ABI3BP: variants seen among roughly 807,000 people sequenced by gnomAD.
ABI3BP encodes the protein target of Nesh-SH3.
In ABI3BP, 216 loss-of-function variants were observed where a neutral mutation model predicts 268.6. That is an observed-to-expected ratio of 0.80 (90% CI 0.72 to 0.90). The LOEUF is 0.90. Among genes scored for constraint, ABI3BP ranks in the 40% least tolerant of loss-of-function variants. ABI3BP has a pLI of 0.00. For missense variants in ABI3BP, 2,090 were observed against 2,182.4 expected (o/e 0.96, Z 0.84); for synonymous variants, 730 against 730.0 (o/e 1.00, Z 0.00).
intron 50 of ABI3BP, among the ~76,000 whole-genome samples, chr3:100,806,233 T>G (rs2097701951): frequency 6.6e-6 from 1 of 152,092 alleles, no homozygotes; most frequent in South Asian, 2.1e-4. Flanking sequence ...AGGTGGTGGA[T>G]GAACAAAATT....
intron 1 of ABI3BP, among the ~76,000 whole-genome samples, chr3:100,959,489 CAAAAAA>C (rs35465693): frequency 5.5e-5 from 2 of 36,092 alleles, no homozygotes; most frequent in Non-Finnish European, 9.9e-5. Context: ...GACTCCGTCT[CAAAAAA>C]AAAAAAAAAA....
At chr3:100,972,643 AT>A (rs199936150) in intron 1 of ABI3BP, among the ~76,000 whole-genome samples, 12 of 151,514 alleles carry the variant, frequency 7.9e-5, no homozygotes, top group South Asian at 2.1e-4. Context: ...AGATTGATTC[AT>A]TTTTTTTTCC....
At chr3:100,816,144 T>A (rs1192765347) in intron 43 of ABI3BP, 173 bp from the exon 44 acceptor site, 1 of 543,380 alleles carries the variant, frequency 1.8e-6, no homozygotes, top group Non-Finnish European at 3.2e-6. Flanking sequence ...GCTAGAACAA[T>A]TCATCAAAGA....
chr3:100,892,394 GAA>G (rs34407309), intron 4 of ABI3BP, among the ~76,000 whole-genome samples: 3,423 of 152,158 alleles, frequency 0.022, 78 homozygotes, highest in East Asian at 0.078. Flanking sequence ...CAAAGAAAGC[GAA>G]AAAAGTTAAA....
intron 59 of ABI3BP, among the ~76,000 whole-genome samples, chr3:100,777,016 GC>G (rs1263020113): frequency 6.6e-6 from 1 of 152,116 alleles, no homozygotes. Context: ...CGGTCTCCTA[GC>G]AAGGCCATGT....
At chr3:100,868,098 C>G (rs1355995447) in intron 9 of ABI3BP, among the ~76,000 whole-genome samples, 1 of 152,192 alleles carries the variant, frequency 6.6e-6, no homozygotes, top group East Asian at 1.9e-4. Context: ...AATTCATGCC[C>G]CTTTGGGATA....
intron 20 of ABI3BP, chr3:100,843,606 G>T (rs2098734821): frequency 1.0e-6 from 1 of 983,924 alleles, no homozygotes; most frequent in African/African-American, 1.8e-5. Flanking sequence ...GATGGAGAGA[G>T]AGAGGAGAGT....
intron 9 of ABI3BP, among the ~76,000 whole-genome samples, 157 bp downstream of exon 9, chr3:100,874,684 T>C (rs143004220): frequency 3.3e-5 from 5 of 152,196 alleles, no homozygotes; most frequent in Non-Finnish European, 7.3e-5. Flanking sequence ...AGAATGTTAT[T>C]TATAATGAAT....
At chr3:100,984,859 G>A (rs1046327625) in intron 1 of ABI3BP, among the ~76,000 whole-genome samples, 4 of 152,166 alleles carry the variant, frequency 2.6e-5, no homozygotes, top group Admixed American at 6.5e-5. Flanking sequence ...CACTAGAGAA[G>A]AGACCCACAG....
Position 100,816,046 on chromosome 3 carries a change from A to T in ABI3BP, c.3230-75T>A, listed in dbSNP as rs1013251816. The T allele has an allele frequency of 7.1e-6, 8 of 1,128,098 alleles. No individual in the cohort carries two copies. The African/African-American group carries it at 1.3e-4, about 18-fold the overall frequency. 69.9% of individuals were successfully genotyped at this position (1,128,098 alleles called of 1,614,324 possible). A position where few individuals can be genotyped will look rare whatever the true frequency, so the allele number is the denominator to read the frequency against. ...AAAAAATCCTCAATTTTTATTTTAAAACATGAGTTTCAAATGATACACAAT... is the reference window on the plus strand; with the variant it reads ...AAAAAATCCTCAATTTTTATTTTAATACATGAGTTTCAAATGATACACAAT... On this transcript the variant is annotated intron_variant, in intron 43 of 67. Coordinates refer to ENST00000471714, the MANE Select transcript of ABI3BP (RefSeq NM_001375547.2).
chr3:100,769,695 T>C (rs536709998), intron 62 of ABI3BP, among the ~76,000 whole-genome samples: 1 of 152,296 alleles, frequency 6.6e-6, no homozygotes, highest in East Asian at 1.9e-4. Context: ...GAGAGATTAA[T>C]TGATTTTTAG....
At chr3:100,958,872 G>C (rs1317053102) in intron 1 of ABI3BP, among the ~76,000 whole-genome samples, 1 of 152,082 alleles carries the variant, frequency 6.6e-6, no homozygotes, top group Non-Finnish European at 1.5e-5. Context: ...TCTACTTGTG[G>C]GCTCTTCACG....
At chr3:100,964,113 G>C (rs1281300420) in intron 1 of ABI3BP, among the ~76,000 whole-genome samples, 2 of 152,130 alleles carry the variant, frequency 1.3e-5, no homozygotes, top group African/African-American at 4.8e-5. Context: ...AAGTCGTTTT[G>C]TAGCAAAAAG....
In ABI3BP at chr3:100,780,189, G is replaced by A. The variant is rs1225519433; in HGVS notation, c.4183C>T (p.Pro1395Ser). ...VGTGVKQAPR[P>S]SGADRNVSVD... ...GATACATTTCTATCAGCACCTGATG[G>A]CCTGGGTGCTTGCTTGACCCCTATG... Residue 1395 changes from proline to serine, a missense_variant, in exon 58 of 68, where the codon CCA becomes TCA. Transcript: ENST00000471714. 6.2e-7 allele frequency: 1 copy of A among 1,612,706 alleles called. No homozygotes were observed. Among genetic ancestry groups the A allele is most frequent in the Non-Finnish European group, 8.5e-7 (1 of 1,179,126 alleles).
intron 2 of ABI3BP, among the ~76,000 whole-genome samples, chr3:100,915,750 C>T (rs949031057): frequency 2.0e-5 from 3 of 152,180 alleles, no homozygotes; most frequent in Admixed American, 6.5e-5. Flanking sequence ...ACTGGTCATC[C>T]GATCTTGAAG....
intron 1 of ABI3BP, among the ~76,000 whole-genome samples, chr3:100,987,780 A>C (rs1471485673): frequency 6.6e-6 from 1 of 152,218 alleles, no homozygotes; most frequent in Non-Finnish European, 1.5e-5. Flanking sequence ...CACAGGTGTG[A>C]GGATAAAATG....
chr3:100,939,765 G>A (rs1042535306), intron 1 of ABI3BP, among the ~76,000 whole-genome samples: 13 of 152,038 alleles, frequency 8.6e-5, no homozygotes, highest in Middle Eastern at 3.4e-3. Context: ...GAGAGCAACC[G>A]GTCTGACCAA....
intron 1 of ABI3BP, among the ~76,000 whole-genome samples, chr3:100,951,460 A>C (rs2074974458): frequency 6.6e-6 from 1 of 151,940 alleles, no homozygotes; most frequent in Admixed American, 6.6e-5. Context: ...TTAGCTGCTA[A>C]CTAGTAAGTA....
At chr3:100,861,496 T>C (rs1193733947) in intron 14 of ABI3BP, among the ~76,000 whole-genome samples, 11 of 152,108 alleles carry the variant, frequency 7.2e-5, no homozygotes, top group Non-Finnish European at 1.5e-4. Flanking sequence ...AAAATACAAA[T>C]AAGCAAAACA....
Sources: gnomAD v4.1 joint callset for allele counts (sites outside exome capture counted in the v4.1 genomes callset) on GRCh38, gnomAD v4.1.1 for gene constraint, MANE v1.5 for transcripts, NCBI Gene and HGNC (gene_info 2026-07-23, HGNC 2026-07-21) for gene names.